Variants in GSE1 observed in about 807,000 individuals in gnomAD.
GSE1 encodes genetic suppressor element 1.
In GSE1, 32 loss-of-function variants were observed where a neutral mutation model predicts 112.6. The ratio of observed to expected loss-of-function variants is 0.28; its 90% CI spans 0.21 to 0.38. GSE1 has a LOEUF of 0.38. Among genes scored for constraint, GSE1 ranks in the 10% least tolerant of loss-of-function variants. The pLI, the probability that GSE1 is intolerant of heterozygous loss-of-function variation, is 1.00. For missense variants in GSE1, 2,348 were observed against 1,699.2 expected (o/e 1.38, Z -6.71); for synonymous variants, 1,115 against 735.6 (o/e 1.52, Z -8.35).
At chr16:85,357,711 G>A (rs2046978669) in intron 2 of GSE1, 2 of 1,070,316 alleles carry the variant, frequency 1.9e-6, no homozygotes, top group East Asian at 5.9e-5. Flanking sequence ...CAGGGATGGG[G>A]GCTCCCAGAG....
intron 1 of GSE1, among the ~76,000 whole-genome samples, chr16:85,197,267 G>A (rs1355229680): frequency 6.6e-6 from 1 of 152,072 alleles, no homozygotes; most frequent in Admixed American, 6.5e-5. Context: ...AGCCCCCTCC[G>A]TCCACTTGGA....
intron 1 of GSE1, among the ~76,000 whole-genome samples, chr16:85,237,609 C>T (rs1291227872): frequency 3.3e-5 from 5 of 151,848 alleles, no homozygotes; most frequent in Non-Finnish European, 5.9e-5. Flanking sequence ...GAGGCCGAGG[C>T]GGGCAGATCA....
intron 1 of GSE1, among the ~76,000 whole-genome samples, chr16:85,309,754 C>A (rs886665413): frequency 6.6e-6 from 1 of 152,200 alleles, no homozygotes; most frequent in Non-Finnish European, 1.5e-5. Flanking sequence ...CAGAGCCGAG[C>A]GGCAGGCTGA....
intron 1 of GSE1, among the ~76,000 whole-genome samples, chr16:85,346,628 A>ATGGG (rs1314346668): frequency 6.8e-6 from 1 of 146,896 alleles, no homozygotes; most frequent in Non-Finnish European, 1.5e-5. Flanking sequence ...GGATGGATGG[A>ATGGG]TGATGGACAG....
intron 1 of GSE1, among the ~76,000 whole-genome samples, chr16:85,575,930 T>C (rs2151359959): frequency 6.6e-6 from 1 of 152,166 alleles, no homozygotes; most frequent in East Asian, 1.9e-4. Flanking sequence ...CCCTTCCTGT[T>C]TTTTAATGTG....
At chr16:85,175,959 A>C (rs1365969242) in intron 1 of GSE1, among the ~76,000 whole-genome samples, 1 of 152,168 alleles carries the variant, frequency 6.6e-6, no homozygotes, top group Non-Finnish European at 1.5e-5. Flanking sequence ...TCTGTGCTCC[A>C]GCCTCTACTT....
intron 2 of GSE1, among the ~76,000 whole-genome samples, chr16:85,402,758 C>G (rs147989573): frequency 1.3e-4 from 20 of 152,006 alleles, no homozygotes; most frequent in South Asian, 2.1e-4. Flanking sequence ...CCTGTCTCTA[C>G]AAAAAATACA....
intron 2 of GSE1, among the ~76,000 whole-genome samples, chr16:85,516,351 G>C (rs916128475): frequency 6.6e-6 from 1 of 151,628 alleles, no homozygotes; most frequent in African/African-American, 2.4e-5. Context: ...GGGGCGGTGG[G>C]CGGGAATGTT....
At chr16:85,170,053 T>G in exon 1 of GSE1, 1 of 984,690 alleles carries the variant, frequency 1.0e-6, no homozygotes, top group Non-Finnish European at 1.2e-6. Flanking sequence ...GTCGGAGCTG[T>G]CGGACACCGA....
intron 1 of GSE1, among the ~76,000 whole-genome samples, chr16:85,599,440 C>A (rs1168159660): frequency 2.0e-5 from 3 of 152,208 alleles, no homozygotes; most frequent in Non-Finnish European, 4.4e-5. Flanking sequence ...TGCCCCCAAT[C>A]TGGAATGTGG....
intron 2 of GSE1, among the ~76,000 whole-genome samples, chr16:85,549,314 A>C (rs1261803415): frequency 6.6e-6 from 1 of 151,992 alleles, no homozygotes; most frequent in Non-Finnish European, 1.5e-5. Context: ...AGCTGGGACT[A>C]TAGGCACACA....
chr16:85,272,390 G>A (rs1037662450), intron 1 of GSE1, among the ~76,000 whole-genome samples: 10 of 152,210 alleles, frequency 6.6e-5, no homozygotes, highest in Non-Finnish European at 1.2e-4. Context: ...GCCCTGATTC[G>A]AGATCTGGTT....
intron 1 of GSE1, among the ~76,000 whole-genome samples, chr16:85,269,430 G>T (rs1383802750): frequency 7.6e-6 from 1 of 131,876 alleles, no homozygotes; most frequent in Non-Finnish European, 1.6e-5. Flanking sequence ...CTGTTAGCAT[G>T]AGTGTGTGGG....
intron 1 of GSE1, among the ~76,000 whole-genome samples, chr16:85,200,159 A>G (rs1211972726): frequency 6.6e-6 from 1 of 151,916 alleles, no homozygotes; most frequent in African/African-American, 2.4e-5. Flanking sequence ...CCACCTTCAA[A>G]TATGCTCGGA....
intron 1 of GSE1, among the ~76,000 whole-genome samples, chr16:85,214,504 T>G (rs2075277624): frequency 6.6e-6 from 1 of 151,218 alleles, no homozygotes; most frequent in African/African-American, 2.4e-5. Flanking sequence ...CAGGGAGGAG[T>G]CGGCCCCGGA....
chr16:85,422,044 G>A (rs965953972), intron 2 of GSE1, among the ~76,000 whole-genome samples: 8 of 152,038 alleles, frequency 5.3e-5, no homozygotes, highest in East Asian at 1.9e-4. Flanking sequence ...CCCGCCCCAC[G>A]GCCCATGTAC....
At chr16:85,527,379 A>T (rs1027919583) in intron 2 of GSE1, among the ~76,000 whole-genome samples, 2 of 152,266 alleles carry the variant, frequency 1.3e-5, no homozygotes, top group African/African-American at 2.4e-5. Context: ...TCGCCCTCAG[A>T]AGAACCTCTC....
At chr16:85,265,824 T>C (rs1487733548) in intron 1 of GSE1, among the ~76,000 whole-genome samples, 3 of 152,158 alleles carry the variant, frequency 2.0e-5, no homozygotes, top group Non-Finnish European at 4.4e-5. Flanking sequence ...GATTGAATTT[T>C]CCTGATGAGC....
Position 85,446,008 on chromosome 16 carries a change from C to T in GSE1, c.2464+88365C>T, listed in dbSNP as rs776609074. ...GGAGGTTCCACGGGTAACGGCTGTG[C>T]GTGTAGCATTTGGAAGAGTGCCTGG... On this transcript the variant is annotated intron_variant, in intron 2 of 2. Coordinates refer to the GSE1 transcript ENST00000637419. Among the ~76,000 whole-genome samples the T allele has an allele frequency of 3.6e-4, 55 of 152,322 alleles. 1 individual carries two copies. Among genetic ancestry groups the T allele is most frequent in the African/African-American group, 1.2e-3 (49 of 41,566 alleles).
Sources: allele counts gnomAD v4.1 joint callset (sites outside exome capture counted in the v4.1 genomes callset), GRCh38; gene constraint gnomAD v4.1.1; transcripts MANE v1.5; gene names NCBI Gene and HGNC (gene_info 2026-07-23, HGNC 2026-07-21).